USP15: variants seen among roughly 807,000 people sequenced by gnomAD.
USP15 encodes ubiquitin carboxyl-terminal hydrolase 15.
In USP15, 18 loss-of-function variants were observed where a neutral mutation model predicts 127.1. That is an observed-to-expected ratio of 0.14 (90% CI 0.10 to 0.21). The LOEUF is 0.21. USP15 is among the 10% of genes least tolerant of loss of function. The pLI is 1.00. For missense variants in USP15, 805 were observed against 1,159.9 expected (o/e 0.69, Z 4.44); for synonymous variants, 364 against 393.7 (o/e 0.92, Z 0.89).
At position 62,408,190 on chromosome 12, in the gene USP15, T is replaced by C. The variant is rs1565926703; in HGVS notation, c.*3815T>C. ...AGTGTAGGGTGTAGTAGGAGCTCTC[T>C]GCCTCCGAGAGGAGGAATATATTAG... On this transcript the variant is annotated 3_prime_UTR_variant, in exon 22 of 22. Transcript: ENST00000280377. The C allele has an allele frequency of 6.6e-6, 1 of 152,130 alleles. No homozygotes were observed. The highest frequency in any genetic ancestry group is 1.5e-5 in the Non-Finnish European group (1 of 68,016). 9.4% of individuals were successfully genotyped at this position (152,130 alleles called of 1,614,324 possible).
intron 6 of USP15, chr12:62,333,988 A>G (rs1316161116): frequency 6.6e-6 from 1 of 152,164 alleles, no homozygotes; most frequent in Non-Finnish European, 1.5e-5. Flanking sequence ...GGATACATAC[A>G]TACTGTTGTG....
intron 9 of USP15, among the ~76,000 whole-genome samples, chr12:62,383,563 A>G (rs879290751): frequency 1.3e-5 from 2 of 151,978 alleles, no homozygotes; most frequent in African/African-American, 4.8e-5. Context: ...ATAAACTACA[A>G]AGGACACTTG....
intron 8 of USP15, among the ~76,000 whole-genome samples, chr12:62,360,990 T>C (rs767409591): frequency 1.8e-4 from 27 of 152,054 alleles, no homozygotes; most frequent in Admixed American, 5.9e-4. Context: ...ACAACCTTAC[T>C]TGCATTAGAA....
Position 62,336,316 on chromosome 12 carries a change from T to C in USP15, c.683+10383T>C, listed in dbSNP as rs1392593724. ...ACCACCTCAAATTAAACCAAATCTTTTTACCCCTCCTTCTCCCATCCCCTC... is the reference window on the plus strand; with the variant it reads ...ACCACCTCAAATTAAACCAAATCTTCTTACCCCTCCTTCTCCCATCCCCTC... On this transcript the variant is annotated intron_variant, in intron 6 of 21. Transcript: ENST00000280377. 7.1e-6 allele frequency: 7 copies of C among 985,340 alleles called. No homozygotes were observed. The East Asian group carries it at 5.7e-4, about 80-fold the overall frequency. 61.0% of individuals were successfully genotyped at this position (985,340 alleles called of 1,614,324 possible).
At chr12:62,370,550 T>TA (rs1223997515) in intron 8 of USP15, among the ~76,000 whole-genome samples, 1 of 152,202 alleles carries the variant, frequency 6.6e-6, no homozygotes, top group Non-Finnish European at 1.5e-5. Flanking sequence ...GAAATGAAGA[T>TA]AAAGTGCTTA....
chr12:62,291,608 T>C (rs189428462), intron 1 of USP15, among the ~76,000 whole-genome samples: 37 of 152,340 alleles, frequency 2.4e-4, no homozygotes, highest in Admixed American at 1.2e-3. Flanking sequence ...ATTATTACAC[T>C]GGTTCTTTCT....
At chr12:62,347,303 G>A (rs1210579335) in intron 6 of USP15, among the ~76,000 whole-genome samples, 5 of 150,914 alleles carry the variant, frequency 3.3e-5, no homozygotes, top group African/African-American at 7.3e-5. Flanking sequence ...GTGTGTGTGT[G>A]TACATATATA....
chr12:62,275,006 G>A (rs1039854288), intron 1 of USP15, among the ~76,000 whole-genome samples: 4 of 152,092 alleles, frequency 2.6e-5, no homozygotes, highest in Admixed American at 2.0e-4. Context: ...ATGAAGAGGC[G>A]AGGGGCAGAC....
chr12:62,295,140 C>G (rs2064091454), intron 2 of USP15, among the ~76,000 whole-genome samples: 1 of 152,124 alleles, frequency 6.6e-6, no homozygotes, highest in Admixed American at 6.6e-5. Flanking sequence ...CCTAGACCCC[C>G]CCCCATAGGG....
At chr12:62,260,535 G>A in intron 1 of USP15, 32 bp downstream of exon 1, 1 of 1,544,022 alleles carries the variant, frequency 6.5e-7, no homozygotes, top group Non-Finnish European at 8.8e-7. Flanking sequence ...GCCCGCGGTT[G>A]CCCGAGGATA....
At chr12:62,319,681 A>G (rs2064930257) in intron 4 of USP15, among the ~76,000 whole-genome samples, 1 of 152,174 alleles carries the variant, frequency 6.6e-6, no homozygotes, top group South Asian at 2.1e-4. Context: ...CCCCATATGT[A>G]AATTAGATCA....
intron 1 of USP15, chr12:62,277,650 A>T (rs972208130): frequency 9.9e-5 from 15 of 152,048 alleles, no homozygotes; most frequent in African/African-American, 3.6e-4. Flanking sequence ...TCAGAAGAAG[A>T]ATTATTGTCT....
chr12:62,347,094 GTCTT>G (rs1324415666), intron 6 of USP15, among the ~76,000 whole-genome samples: 3 of 152,032 alleles, frequency 2.0e-5, no homozygotes. Flanking sequence ...CAGGAACTGT[GTCTT>G]TCTTTGTATT....
chr12:62,381,381 T>A (rs1377427186), intron 8 of USP15, 109 bp from the exon 9 acceptor site: 1 of 902,060 alleles, frequency 1.1e-6, no homozygotes, highest in Non-Finnish European at 1.6e-6. Flanking sequence ...ATCATTTAAA[T>A]GTTCTCTGTG....
intron 1 of USP15, among the ~76,000 whole-genome samples, chr12:62,272,246 T>G (rs1025705013): frequency 6.6e-6 from 1 of 151,974 alleles, no homozygotes; most frequent in Admixed American, 6.6e-5. Context: ...ACAAGATGAT[T>G]ATAAATATTT....
At chr12:62,304,404 TACA>T (rs1417038029) in intron 3 of USP15, among the ~76,000 whole-genome samples, 3 of 152,190 alleles carry the variant, frequency 2.0e-5, no homozygotes, top group East Asian at 1.9e-4. Context: ...TGCAATTTCC[TACA>T]ACATTAAATC....
At chr12:62,282,562 A>C (rs1429403164) in intron 1 of USP15, among the ~76,000 whole-genome samples, 1 of 152,174 alleles carries the variant, frequency 6.6e-6, no homozygotes, top group Non-Finnish European at 1.5e-5. Context: ...TGTGATGTAA[A>C]TGGAAGATTT....
intron 8 of USP15, among the ~76,000 whole-genome samples, chr12:62,365,306 G>C (rs2066441455): frequency 6.6e-6 from 1 of 152,190 alleles, no homozygotes; most frequent in African/African-American, 2.4e-5. Flanking sequence ...CTAATGACCA[G>C]TGATGAAGAG....
In USP15 at chr12:62,413,457, T is replaced by G. The variant is rs977844873; in HGVS notation, c.*9082T>G. 2.0e-5 allele frequency: 3 copies of G among 152,238 alleles called. No homozygotes were observed. The highest frequency in any genetic ancestry group is 7.2e-5 in the African/African-American group (3 of 41,464). The allele number at this position is 152,238 out of a possible 1,614,324, so 9.4% of individuals were successfully genotyped here. On this transcript the variant is annotated 3_prime_UTR_variant, in exon 22 of 22. Transcript: ENST00000280377. Reference sequence around the variant, plus strand: ...ATCTACATTGAAAGTTTGTTTTTAGTGTAACTACCTTCATCAATGATCTTA... The same window carrying G: ...ATCTACATTGAAAGTTTGTTTTTAGGGTAACTACCTTCATCAATGATCTTA...
Sources: allele counts gnomAD v4.1 joint callset (sites outside exome capture counted in the v4.1 genomes callset), GRCh38; gene constraint gnomAD v4.1.1; transcripts MANE v1.5; gene names NCBI Gene and HGNC (gene_info 2026-07-23, HGNC 2026-07-21).